The following ADGRL3 variants were observed in gnomAD, a reference collection of about 807,000 sequenced individuals.
ADGRL3 encodes the protein adhesion G protein-coupled receptor L3.
In ADGRL3, 62 loss-of-function variants were observed where a neutral mutation model predicts 153.5. That is an observed-to-expected ratio of 0.40 (90% CI 0.33 to 0.50). ADGRL3 has a LOEUF of 0.50. ADGRL3 is among the 20% of genes least tolerant of loss of function. ADGRL3 has a pLI of 0.47. For missense variants in ADGRL3, 1,641 were observed against 1,859.4 expected, an observed-to-expected ratio of 0.88 and a Z score of 2.16; for synonymous variants, 710 against 672.5, an observed-to-expected ratio of 1.06 and a Z score of -0.86.
At chr4:61,505,791 T>G (rs1178865160) in intron 3 of ADGRL3, among the ~76,000 whole-genome samples, 1 of 150,870 alleles carries the variant, frequency 6.6e-6, no homozygotes, top group African/African-American at 2.4e-5. Context: ...TATTATATAT[T>G]AGTGTCCTCT....
intron 6 of ADGRL3, among the ~76,000 whole-genome samples, chr4:61,692,205 A>C (rs2095551895): frequency 6.6e-6 from 1 of 152,110 alleles, no homozygotes; most frequent in Non-Finnish European, 1.5e-5. Context: ...TTCTCACAGT[A>C]ATCTGTTTAG....
chr4:61,377,844 C>T lies in ADGRL3; in HGVS notation c.-239-5280C>T, dbSNP rs74779711. Among the ~76,000 whole-genome samples the T allele has an allele frequency of 9.5e-3, 1,438 of 151,896 alleles. 22 individuals are homozygous for T. The highest frequency in any genetic ancestry group is 0.033 in the African/African-American group (1,383 of 41,460). ...TAGGCTTTTAAAGCTATAAATTTGCCTTTGAGTACTGCTTTCACTGCATCC... is the reference window on the plus strand; with the variant it reads ...TAGGCTTTTAAAGCTATAAATTTGCTTTTGAGTACTGCTTTCACTGCATCC... On this transcript the variant is annotated intron_variant, in intron 1 of 26. Coordinates refer to ENST00000683033, the MANE Select transcript of ADGRL3 (RefSeq NM_001387552.1).
At chr4:61,603,415 A>G (rs1046414951) in intron 5 of ADGRL3, among the ~76,000 whole-genome samples, 3 of 152,170 alleles carry the variant, frequency 2.0e-5, no homozygotes, top group Non-Finnish European at 2.9e-5. Flanking sequence ...AATCCAGCTT[A>G]GGAGTTTAGA....
chr4:61,298,766 CAGGT>C (rs2094491593), intron 1 of ADGRL3, among the ~76,000 whole-genome samples: 1 of 152,158 alleles, frequency 6.6e-6, no homozygotes, highest in South Asian at 2.1e-4. Context: ...TACGTTTTGA[CAGGT>C]AGGGAAAAGC....
chr4:61,996,259 G>A lies in ADGRL3; in HGVS notation c.3237-32G>A, dbSNP rs765493527. 7.2e-6 allele frequency: 11 copies of A among 1,528,622 alleles called. No homozygotes were observed. In the East Asian group the frequency reaches 2.3e-4, roughly 31 times the overall value. The allele number at this position is 1,528,622 out of a possible 1,614,324, so 94.7% of individuals were successfully genotyped here. On this transcript the variant is annotated intron_variant, in intron 19 of 26. Coordinates refer to ENST00000683033, the MANE Select transcript of ADGRL3 (RefSeq NM_001387552.1). ...GATGTATGTCCCATACCCAGTCCTTGAATACCTTCTCTCCCTTGTGTTTCA... is the reference window on the plus strand; with the variant it reads ...GATGTATGTCCCATACCCAGTCCTTAAATACCTTCTCTCCCTTGTGTTTCA...
At chr4:61,830,420 GC>G (rs2097856123) in intron 9 of ADGRL3, among the ~76,000 whole-genome samples, 1 of 152,122 alleles carries the variant, frequency 6.6e-6, no homozygotes, top group African/African-American at 2.4e-5. Flanking sequence ...TTCCCTGCTG[GC>G]ATCTGCAGAA....
intron 8 of ADGRL3, among the ~76,000 whole-genome samples, chr4:61,741,992 T>G (rs1011677865): frequency 6.6e-6 from 1 of 152,234 alleles, no homozygotes; most frequent in African/African-American, 2.4e-5. Flanking sequence ...CTGTCCTTTC[T>G]GTAGCCATTT....
intron 3 of ADGRL3, among the ~76,000 whole-genome samples, chr4:61,511,689 C>T (rs2152875116): frequency 6.6e-6 from 1 of 152,202 alleles, no homozygotes; most frequent in South Asian, 2.1e-4. Context: ...AGAGAAGGAA[C>T]CTGTTGAGTT....
At position 61,711,814 on chromosome 4, in the gene ADGRL3, G is replaced by A. The variant is rs2095998192; in HGVS notation, c.584-18808G>A. Among the ~76,000 whole-genome samples the A allele has an allele frequency of 2.0e-5, 3 of 152,078 alleles. No individual in the cohort carries two copies. The South Asian group carries it at 6.2e-4, about 32-fold the overall frequency. On this transcript the variant is annotated intron_variant, in intron 6 of 26. Transcript: ENST00000683033. The stretch of plus-strand genomic sequence containing the variant: ...ACTTCACTACTTGTAATAAGACCAA[G>A]TTACAGTCTATTTACACATCAAATG...
At chr4:61,420,943 T>C (rs1048574327) in intron 2 of ADGRL3, among the ~76,000 whole-genome samples, 25 of 152,182 alleles carry the variant, frequency 1.6e-4, no homozygotes, top group African/African-American at 6.0e-4. Context: ...GGAAGGCCTA[T>C]ATTCAAGTTT....
chr4:61,372,557 C>G (rs533988751), intron 1 of ADGRL3, among the ~76,000 whole-genome samples: 4 of 152,252 alleles, frequency 2.6e-5, no homozygotes, highest in African/African-American at 9.6e-5. Context: ...CAGGGGTCAG[C>G]GATCCACTTG....
At chr4:61,290,259 A>G (rs1335694067) in intron 1 of ADGRL3, among the ~76,000 whole-genome samples, 2 of 152,084 alleles carry the variant, frequency 1.3e-5, no homozygotes, top group African/African-American at 4.8e-5. Context: ...TTTATCTGAG[A>G]TTAATTTAGA....
intron 9 of ADGRL3, among the ~76,000 whole-genome samples, chr4:61,869,200 T>A (rs1044858340): frequency 2.0e-5 from 3 of 152,214 alleles, no homozygotes; most frequent in Non-Finnish European, 4.4e-5. Flanking sequence ...TACCTTGGTC[T>A]CCCAATGTGC....
At chr4:61,815,634 C>T (rs1580966876) in intron 9 of ADGRL3, among the ~76,000 whole-genome samples, 1 of 152,194 alleles carries the variant, frequency 6.6e-6, no homozygotes, top group Non-Finnish European at 1.5e-5. Context: ...ATGTTTGTAT[C>T]CCTGCCAAAA....
At chr4:61,709,029 C>T (rs1045106782) in intron 6 of ADGRL3, among the ~76,000 whole-genome samples, 1 of 151,904 alleles carries the variant, frequency 6.6e-6, no homozygotes, top group Non-Finnish European at 1.5e-5. Context: ...AGGCTGGTCT[C>T]GACTCCTGAC....
At chr4:61,356,273 C>A (rs574389992) in intron 1 of ADGRL3, among the ~76,000 whole-genome samples, 5 of 152,020 alleles carry the variant, frequency 3.3e-5, no homozygotes, top group Admixed American at 3.3e-4. Context: ...GATAAGAGTA[C>A]ATTTAAGCCT....
intron 9 of ADGRL3, among the ~76,000 whole-genome samples, chr4:61,820,400 C>T (rs867382272): frequency 1.3e-5 from 2 of 152,034 alleles, no homozygotes; most frequent in African/African-American, 4.8e-5. Flanking sequence ...ATTAAAATCA[C>T]AATACATTAC....
At chr4:61,355,923 G>A (rs2096156937) in intron 1 of ADGRL3, among the ~76,000 whole-genome samples, 1 of 151,958 alleles carries the variant, frequency 6.6e-6, no homozygotes, top group Non-Finnish European at 1.5e-5. Flanking sequence ...AGCTCTTAAT[G>A]TGTAATATGA....
intron 2 of ADGRL3, among the ~76,000 whole-genome samples, chr4:61,414,747 T>C (rs1434578331): frequency 6.6e-6 from 1 of 151,982 alleles, no homozygotes; most frequent in East Asian, 1.9e-4. Context: ...TGATCTCTGG[T>C]TGTTACATAA....
Sources: gnomAD v4.1 joint callset for allele counts (sites outside exome capture counted in the v4.1 genomes callset) on GRCh38, gnomAD v4.1.1 for gene constraint, MANE v1.5 for transcripts, NCBI Gene and HGNC (gene_info 2026-07-23, HGNC 2026-07-21) for gene names.